Variants in HERC1 observed in about 807,000 individuals in gnomAD.
The protein encoded by HERC1 is probable E3 ubiquitin-protein ligase HERC1.
HERC1 carries 160 observed loss-of-function variants against 554.3 expected under a neutral mutation model. That is an observed-to-expected ratio of 0.29 (90% CI 0.25 to 0.33). The LOEUF is 0.33. Among genes scored for constraint, HERC1 ranks in the 10% least tolerant of loss-of-function variants. HERC1 has a pLI of 1.00. For missense variants in HERC1, 4,919 were observed against 5,918.5 expected, an observed-to-expected ratio of 0.83 and a Z score of 5.54; for synonymous variants, 2,175 against 2,131.7, an observed-to-expected ratio of 1.02 and a Z score of -0.56.
chr15:63,780,959 A>T lies in HERC1; in HGVS notation c.-26-5310T>A, dbSNP rs189349981. Among the ~76,000 whole-genome samples, 5 of 152,342 alleles carry T rather than the reference A, an allele frequency of 3.3e-5. No homozygotes were observed. In the East Asian group the frequency reaches 9.6e-4, roughly 29 times the overall value. On this transcript the variant is annotated intron_variant, in intron 1 of 77. Transcript: ENST00000443617. ...AAATCTAATAAGTAAATCATTTTTT[A>T]AATGTATATCCTAAGTGATGGATCT...
At chr15:63,665,032 T>C (rs960171143) in intron 42 of HERC1, among the ~76,000 whole-genome samples, 7 of 152,148 alleles carry the variant, frequency 4.6e-5, no homozygotes, top group Non-Finnish European at 8.8e-5. Context: ...TATGGCTCCA[T>C]AGTTAAAATG....
At chr15:63,642,440 C>A (rs1426829341) in intron 59 of HERC1, among the ~76,000 whole-genome samples, 1 of 152,112 alleles carries the variant, frequency 6.6e-6, no homozygotes, top group Non-Finnish European at 1.5e-5. Context: ...TGGGTTCAAC[C>A]AATTCTCCCG....
chr15:63,686,909 C>T (rs1031163306), intron 33 of HERC1, among the ~76,000 whole-genome samples: 1 of 152,122 alleles, frequency 6.6e-6, no homozygotes, highest in Non-Finnish European at 1.5e-5. Flanking sequence ...AGCAGCTGGT[C>T]AAATGAGAGA....
chr15:63,682,450 T>C (rs1391953620), intron 34 of HERC1, among the ~76,000 whole-genome samples: 1 of 151,908 alleles, frequency 6.6e-6, no homozygotes, highest in African/African-American at 2.4e-5. Context: ...TCTCCTCCAG[T>C]GGGAGGGGAA....
At chr15:63,737,781 A>T (rs1034510034) in intron 12 of HERC1, among the ~76,000 whole-genome samples, 1 of 151,962 alleles carries the variant, frequency 6.6e-6, no homozygotes, top group Non-Finnish European at 1.5e-5. Flanking sequence ...GCTATATAGC[A>T]TCTAGAGAGA....
intron 26 of HERC1, among the ~76,000 whole-genome samples, chr15:63,696,879 T>C (rs1006153874): frequency 1.3e-5 from 2 of 151,658 alleles, no homozygotes; most frequent in African/African-American, 4.8e-5. Context: ...TGCCCCTATC[T>C]TCCCTAGGAA....
In HERC1 at chr15:63,795,540, C is replaced by T. The variant is rs117302683; in HGVS notation, c.-26-19891G>A. Among the ~76,000 whole-genome samples, 79 of 152,166 alleles carry T rather than the reference C, an allele frequency of 5.2e-4. No homozygotes were observed. The East Asian group carries it at 0.014, about 27-fold the overall frequency. On this transcript the variant is annotated intron_variant, in intron 1 of 77. Transcript: ENST00000443617. ...AGAAAAGCTCTGATACAAAAGGTTC[C>T]TATTTTGAATTACTCTGAAGATATT...
intron 1 of HERC1, among the ~76,000 whole-genome samples, chr15:63,791,821 T>C (rs2076662906): frequency 6.6e-6 from 1 of 152,174 alleles, no homozygotes; most frequent in Non-Finnish European, 1.5e-5. Context: ...TCTTCAAATA[T>C]TTTATAAAAG....
Position 63,638,511 on chromosome 15 carries a change from T to C in HERC1, c.11993A>G (p.Asp3998Gly), listed in dbSNP as rs2152831028. Residue 3998 changes from aspartate (D) to glycine (G), a missense_variant, in exon 63 of 78, where the codon GAT becomes GGT. Physicochemically the swap from Asp to Gly is moderately conservative, Grantham distance 94. Around this residue, in one of 11 missense-constraint regions of HERC1, gnomAD observed 122 missense variants for 195.2 expected, o/e 0.63. Transcript: ENST00000443617. ...CCTACCAGCACCCCATAAGTAGACA[T>C]CACATTTACCTCCCAGGTGCCAGTC... is the stretch of plus-strand genomic sequence containing the variant. The part of the protein sequence containing the change: ...PEDWHLGGKC[D>G]VYLWGAGRHG... The C allele has an allele frequency of 6.2e-7, 1 of 1,613,888 alleles. No homozygotes were observed. Among genetic ancestry groups the C allele is most frequent in the Non-Finnish European group, 8.5e-7 (1 of 1,179,808 alleles).
intron 18 of HERC1, among the ~76,000 whole-genome samples, chr15:63,723,762 T>C (rs1215807494): frequency 2.0e-5 from 3 of 152,158 alleles, no homozygotes; most frequent in Non-Finnish European, 4.4e-5. Context: ...CCATTGAAAA[T>C]GCGACTAGAC....
chr15:63,794,953 C>T (rs2144441114), intron 1 of HERC1, among the ~76,000 whole-genome samples: 1 of 151,146 alleles, frequency 6.6e-6, no homozygotes, highest in Non-Finnish European at 1.5e-5. Flanking sequence ...GTAGTCCCAG[C>T]TACTCAGGCT....
At position 63,713,585 on chromosome 15, in the gene HERC1, C is replaced by G. The variant is rs2073407551; in HGVS notation, c.4231G>C (p.Gly1411Arg). ...GGAGGTGGATCATCAGCTCGAGCCCCAGACCCTGCCCCACTGTTCATTCTA... is the reference window on the plus strand; with the variant it reads ...GGAGGTGGATCATCAGCTCGAGCCCGAGACCCTGCCCCACTGTTCATTCTA... The part of the protein sequence containing the change: ...RDRMNSGAGS[G>R]ARADDPPPQS... Residue 1411 changes from glycine to arginine, a missense_variant, in exon 23 of 78, where the codon GGG becomes CGG. Coordinates refer to ENST00000443617, the MANE Select transcript of HERC1 (RefSeq NM_003922.4). 2 of 1,613,722 alleles carry G rather than the reference C, an allele frequency of 1.2e-6. No individual in the cohort carries two copies. Among genetic ancestry groups the G allele is most frequent in the Admixed American group, 1.7e-5 (1 of 59,990 alleles).
chr15:63,744,043 C>G (rs146213317), intron 12 of HERC1, among the ~76,000 whole-genome samples: 1 of 150,856 alleles, frequency 6.6e-6, no homozygotes, highest in Non-Finnish European at 1.5e-5. Context: ...TGGACAAGAT[C>G]TGGGAGAATT....
intron 1 of HERC1, among the ~76,000 whole-genome samples, chr15:63,786,914 A>ATTTT (rs780871966): frequency 1.3e-4 from 17 of 135,536 alleles, no homozygotes; most frequent in South Asian, 2.2e-4. Context: ...AACTCAATAA[A>ATTTT]TTATTATTTT....
chr15:63,657,269 T>TG (rs1566979686), intron 48 of HERC1, among the ~76,000 whole-genome samples: 4 of 150,880 alleles, frequency 2.7e-5, no homozygotes, highest in East Asian at 3.8e-4. Flanking sequence ...GGTTTTTTTT[T>TG]TTTTTTTTTT....
intron 74 of HERC1, among the ~76,000 whole-genome samples, chr15:63,619,888 C>T (rs1169591988): frequency 6.6e-6 from 1 of 151,878 alleles, no homozygotes; most frequent in African/African-American, 2.4e-5. Context: ...TCTCTCTTTT[C>T]TTCTTTATTA....
chr15:63,668,682 T>C (rs1328971287), intron 40 of HERC1, among the ~76,000 whole-genome samples: 1 of 152,032 alleles, frequency 6.6e-6, no homozygotes, highest in Non-Finnish European at 1.5e-5. Flanking sequence ...TCACCAAGGA[T>C]AAAGGCATTT....
intron 68 of HERC1, 65 bp downstream of exon 68, chr15:63,632,644 T>A: frequency 9.5e-7 from 1 of 1,050,874 alleles, no homozygotes; most frequent in East Asian, 2.6e-5. Context: ...GCACATTCTG[T>A]AACACTGGAA....
At position 63,616,575 on chromosome 15, in the gene HERC1, T is replaced by G; in HGVS notation, c.13796A>C (p.His4599Pro). 1 of 1,613,972 alleles carries G rather than the reference T, an allele frequency of 6.2e-7. No homozygotes were observed. The highest frequency in any genetic ancestry group is 8.5e-7 in the Non-Finnish European group (1 of 1,179,888). The change falls in exon 75 of 78, where the codon CAC (histidine) becomes CCC (proline). Residue 4599 changes from histidine to proline, a missense_variant. Transcript: ENST00000443617. ...AIRTKKPLDLHLAPLVWKQLC... is the reference protein window; with the variant it reads ...AIRTKKPLDLPLAPLVWKQLC... ...CTGCTTCCACACCAGAGGGGCCAAG[T>G]GGAGGTCCAGAGGCTTCTTTGTGCG...
Sources: gnomAD v4.1 joint callset for allele counts (sites outside exome capture counted in the v4.1 genomes callset) on GRCh38, gnomAD v4.1.1 for gene constraint, gnomAD v4.1.1 regional missense constraint, MANE v1.5 for transcripts, NCBI Gene and HGNC (gene_info 2026-07-23, HGNC 2026-07-21) for gene names.